Variants in TNS3 observed in about 807,000 individuals in gnomAD.
TNS3 encodes tensin-3.
Under a neutral mutation model 140.9 loss-of-function variants are expected in TNS3, and 45 were observed. The ratio of observed to expected loss-of-function variants is 0.32; its 90% confidence interval spans 0.25 to 0.41. The LOEUF (loss-of-function observed/expected upper bound fraction) is 0.41. Ranked by LOEUF, TNS3 falls within the 10% of genes least tolerant of loss-of-function variation. The pLI is 1.00. For synonymous variants in TNS3, 815 were observed against 788.4 expected, an observed-to-expected ratio of 1.03 and a Z score of -0.56; for missense variants, 1,716 against 1,906.7, an observed-to-expected ratio of 0.90 and a Z score of 1.86.
intron 6 of TNS3, among the ~76,000 whole-genome samples, chr7:47,438,063 T>C (rs1301347239): frequency 2.7e-5 from 4 of 150,750 alleles, no homozygotes; most frequent in Non-Finnish European, 5.9e-5. Context: ...ATAATAATAA[T>C]AATAATAATG....
chr7:47,293,103 T>C (rs1175523695), intron 25 of TNS3, among the ~76,000 whole-genome samples, 198 bp from the exon 26 acceptor site: 1 of 152,232 alleles, frequency 6.6e-6, no homozygotes, highest in African/African-American at 2.4e-5. Flanking sequence ...GAGAGGTAAG[T>C]AAATGGAACT....
At chr7:47,521,552 G>A (rs1246962806) in intron 2 of TNS3, among the ~76,000 whole-genome samples, 2 of 152,222 alleles carry the variant, frequency 1.3e-5, no homozygotes, top group Admixed American at 6.5e-5. Context: ...CATCCGGATG[G>A]CTGGCTAGTC....
intron 28 of TNS3, among the ~76,000 whole-genome samples, chr7:47,281,851 C>T (rs1785161026): frequency 6.6e-6 from 1 of 152,198 alleles, no homozygotes; most frequent in African/African-American, 2.4e-5. Context: ...AGGAGCCCAA[C>T]CCTGACCCTG....
At chr7:47,422,259 G>A (rs2151465469) in intron 10 of TNS3, among the ~76,000 whole-genome samples, 1 of 152,270 alleles carries the variant, frequency 6.6e-6, no homozygotes, top group South Asian at 2.1e-4. Flanking sequence ...ATTAAAAAAT[G>A]CAAATGTTCT....
chr7:47,324,109 G>C (rs1380687048), intron 20 of TNS3, among the ~76,000 whole-genome samples: 1 of 152,160 alleles, frequency 6.6e-6, no homozygotes, highest in Non-Finnish European at 1.5e-5. Context: ...TCCTGACCTG[G>C]CTGCCTGTTT....
intron 17 of TNS3, among the ~76,000 whole-genome samples, chr7:47,367,153 A>G (rs77953684): frequency 0.033 from 4,973 of 152,204 alleles, 274 homozygotes; most frequent in African/African-American, 0.11. Flanking sequence ...CACCTTCTGT[A>G]GCCTCCCAGT....
chr7:47,404,696 C>A (rs1448526164), intron 13 of TNS3, among the ~76,000 whole-genome samples: 1 of 152,122 alleles, frequency 6.6e-6, no homozygotes, highest in Non-Finnish European at 1.5e-5. Flanking sequence ...ACCATCCTGG[C>A]TAACATGGTG....
rs1194318830 is a variant in TNS3, at chr7:47,411,716, C to T, written c.723+11G>A. The T allele has an allele frequency of 6.8e-6, 11 of 1,607,126 alleles. No homozygotes were observed. The highest frequency in any genetic ancestry group is 1.6e-4 in the Middle Eastern group (1 of 6,080). On this transcript the variant is annotated intron_variant, in intron 13 of 30. Coordinates refer to ENST00000311160, the MANE Select transcript of TNS3 (RefSeq NM_022748.12). ...GACACCAACCCATCTGCGGCCACAG[C>T]GGGCACTCACCATGACATCTCCCTT...
intron 16 of TNS3, 80 bp from the exon 17 acceptor site, chr7:47,369,701 CT>C: frequency 1.4e-6 from 2 of 1,428,698 alleles, no homozygotes; most frequent in Non-Finnish European, 1.9e-6. Flanking sequence ...GCGTGTGCAT[CT>C]GTCTAAACAA....
intron 25 of TNS3, 121 bp from the exon 26 acceptor site, chr7:47,293,026 G>A: frequency 1.3e-6 from 1 of 761,152 alleles, no homozygotes; most frequent in Non-Finnish European, 2.2e-6. Context: ...TTTAGCAACT[G>A]GTATGTTAGA....
intron 16 of TNS3, among the ~76,000 whole-genome samples, chr7:47,386,006 C>G (rs906087328): frequency 3.3e-5 from 5 of 152,252 alleles, no homozygotes; most frequent in African/African-American, 1.2e-4. Flanking sequence ...CACATTCACA[C>G]TGACAAAAAT....
At chr7:47,514,823 T>G (rs1178767297) in intron 2 of TNS3, among the ~76,000 whole-genome samples, 1 of 152,174 alleles carries the variant, frequency 6.6e-6, no homozygotes, top group Non-Finnish European at 1.5e-5. Flanking sequence ...TTGTAACTTT[T>G]GGGGCCGAAT....
intron 20 of TNS3, among the ~76,000 whole-genome samples, chr7:47,333,052 C>A (rs1302102720): frequency 1.3e-5 from 2 of 152,090 alleles, no homozygotes; most frequent in Non-Finnish European, 2.9e-5. Context: ...GACATGGGGA[C>A]ACTTCCAAGC....
chr7:47,399,080 G>GAAAAA (rs55834937), intron 15 of TNS3, among the ~76,000 whole-genome samples: 1 of 93,600 alleles, frequency 1.1e-5, no homozygotes, highest in Non-Finnish European at 2.0e-5. Context: ...TACGACAGCT[G>GAAAAA]AAAAAAAAAA....
chr7:47,369,625 C>G lies in TNS3; in HGVS notation c.1025-4G>C. ...ACAGGGCCCTGCGTGTGTAGCACTGCGGGGGAGAAAACCGGAGAGAGGCTT... is the reference window on the plus strand; with the variant it reads ...ACAGGGCCCTGCGTGTGTAGCACTGGGGGGGAGAAAACCGGAGAGAGGCTT... On this transcript the variant is annotated splice_region_variant and splice_polypyrimidine_tract_variant and intron_variant, in intron 16 of 30. Transcript: ENST00000311160. 1 of 1,547,180 alleles carries G rather than the reference C, an allele frequency of 6.5e-7. No homozygotes were observed. Among genetic ancestry groups the G allele is most frequent in the Non-Finnish European group, 8.7e-7 (1 of 1,147,516 alleles).
intron 1 of TNS3, among the ~76,000 whole-genome samples, chr7:47,572,111 G>A (rs1050190236): frequency 6.6e-6 from 1 of 152,226 alleles, no homozygotes; most frequent in Non-Finnish European, 1.5e-5. Context: ...CCAGACACCC[G>A]ACAAGCTGAG....
chr7:47,500,587 C>T (rs1300174889), intron 3 of TNS3, among the ~76,000 whole-genome samples: 1 of 152,202 alleles, frequency 6.6e-6, no homozygotes, highest in Non-Finnish European at 1.5e-5. Context: ...TCCTTCTGCA[C>T]AGGCTGGACA....
At chr7:47,280,438 A>C in intron 28 of TNS3, 84 bp from the exon 29 acceptor site, 1 of 1,194,424 alleles carries the variant, frequency 8.4e-7, no homozygotes, top group Non-Finnish European at 1.2e-6. Flanking sequence ...GCTCTCCCAT[A>C]CATGAAGATT....
Position 47,369,622 on chromosome 7 carries a change from C to A in TNS3, c.1025-1G>T. ...TCGACAGGGCCCTGCGTGTGTAGCA[C>A]TGCGGGGGAGAAAACCGGAGAGAGG... On this transcript the variant is annotated splice_acceptor_variant, in intron 16 of 30. Transcript: ENST00000311160. LOFTEE classifies it high-confidence loss of function. 6.4e-7 allele frequency: 1 copy of A among 1,550,558 alleles called. No homozygotes were observed.
Sources: allele counts gnomAD v4.1 joint callset (sites outside exome capture counted in the v4.1 genomes callset), GRCh38; gene constraint gnomAD v4.1.1; transcripts MANE v1.5; gene names NCBI Gene and HGNC (gene_info 2026-07-23, HGNC 2026-07-21).